EPB41L1: variants seen among roughly 807,000 people sequenced by gnomAD.
EPB41L1 encodes band 4.1-like protein 1.
In EPB41L1, 29 loss-of-function variants were observed where a neutral mutation model predicts 97.8. The observed-to-expected ratio is 0.30, with a 90% CI of 0.22 to 0.40. The LOEUF is 0.40. EPB41L1 is among the 10% of genes least tolerant of loss of function. EPB41L1 has a pLI of 1.00. For synonymous variants in EPB41L1, 383 were observed against 459.2 expected (o/e 0.83, Z 2.12); for missense variants, 812 against 1,162.3 (o/e 0.70, Z 4.38).
At chr20:36,216,139 T>C (rs1045044029) in intron 17 of EPB41L1, among the ~76,000 whole-genome samples, 5 of 152,288 alleles carry the variant, frequency 3.3e-5, no homozygotes, top group Admixed American at 2.6e-4. Context: ...TGGGACAGTG[T>C]AATAATGCTA....
intron 11 of EPB41L1, among the ~76,000 whole-genome samples, chr20:36,193,247 C>T (rs1311103124): frequency 1.3e-5 from 2 of 152,180 alleles, no homozygotes; most frequent in Admixed American, 1.3e-4. Flanking sequence ...ACCAAAAGGT[C>T]ACCAGTGGGA....
In EPB41L1 at chr20:36,092,638, T is replaced by G. The variant is rs1601166870; in HGVS notation, c.-65+1026T>G. On this transcript the variant is annotated intron_variant, in intron 1 of 19. Transcript: ENST00000202028. This position sits in a 1 kb window ranked among gnomAD's most constrained non-coding sequence, Gnocchi z 7.0. ...GGCGGGGCGGAGCGGCGAGAGGGGG[T>G]GTGGGGGGCGGGCGAGGAGGGGGCT... The G allele has an allele frequency of 6.8e-6, 1 of 147,576 alleles. No homozygotes were observed. Among genetic ancestry groups the G allele is most frequent in the Non-Finnish European group, 1.5e-5 (1 of 66,650 alleles). 9.1% of individuals were successfully genotyped at this position (147,576 alleles called of 1,614,324 possible). A position where few individuals can be genotyped will look rare whatever the true frequency, so the allele number is the denominator to read the frequency against.
intron 1 of EPB41L1, among the ~76,000 whole-genome samples, chr20:36,171,253 AG>A (rs2060975535): frequency 6.6e-6 from 1 of 152,174 alleles, no homozygotes; most frequent in East Asian, 1.9e-4. Flanking sequence ...AAAGATCCTG[AG>A]CCCGGTGCAC....
intron 2 of EPB41L1, among the ~76,000 whole-genome samples, chr20:36,113,280 C>G (rs1279249412): frequency 6.6e-6 from 1 of 152,160 alleles, no homozygotes; most frequent in Non-Finnish European, 1.5e-5. Flanking sequence ...AAGTAACATG[C>G]AAATGTCACT....
rs755435741 is a variant in EPB41L1, at chr20:36,178,074, C to T, written c.447+18C>T. The T allele has an allele frequency of 3.1e-6, 5 of 1,589,386 alleles. No homozygotes were observed. The South Asian group carries it at 5.5e-5, about 18-fold the overall frequency. The stretch of plus-strand genomic sequence containing the variant: ...GCCAGAAGGTACCTGGGCTAGGGAG[C>T]AGGGTGGGACCTGCTCTTCCGTTAG... On this transcript the variant is annotated intron_variant, in intron 4 of 21. Coordinates refer to ENST00000338074, the MANE Select transcript of EPB41L1 (RefSeq NM_012156.2).
chr20:36,229,252 G>T (rs1208882110), intron 21 of EPB41L1, 80 bp from the exon 22 acceptor site: 2 of 1,186,050 alleles, frequency 1.7e-6, no homozygotes, highest in Non-Finnish European at 2.5e-6. Context: ...AGTGACAGAA[G>T]TTACTAATTT....
Position 36,209,340 on chromosome 20 carries a change from C to A in EPB41L1, c.1669-148C>A. ...TTGTTATGATTTCAAGGAACCTTTC[C>A]TGGGGTGTTTTTCATTTCCTGGCCT... On this transcript the variant is annotated intron_variant, in intron 14 of 21. Transcript: ENST00000338074. The surrounding 1 kb of genome is among the most constrained non-coding windows in gnomAD (Gnocchi z 4.2). 1 of 701,628 alleles carries A rather than the reference C, an allele frequency of 1.4e-6. No individual in the cohort carries two copies. The highest frequency in any genetic ancestry group is 2.2e-6 in the Non-Finnish European group (1 of 451,742). The allele number at this position is 701,628 out of a possible 1,614,324, so 43.5% of individuals were successfully genotyped here.
intron 2 of EPB41L1, among the ~76,000 whole-genome samples, chr20:36,131,523 G>A (rs2059209839): frequency 6.6e-6 from 1 of 152,172 alleles, no homozygotes; most frequent in African/African-American, 2.4e-5. Context: ...GAATAGGGCT[G>A]TGGTGTCAGG....
At chr20:36,107,136 T>C (rs2058215548) in intron 1 of EPB41L1, among the ~76,000 whole-genome samples, 1 of 152,046 alleles carries the variant, frequency 6.6e-6, no homozygotes, top group Non-Finnish European at 1.5e-5. Context: ...TTAACTAATT[T>C]AACATTTTAA....
At chr20:36,220,933 G>A (rs964783183) in intron 19 of EPB41L1, among the ~76,000 whole-genome samples, 3 of 152,302 alleles carry the variant, frequency 2.0e-5, no homozygotes, top group East Asian at 1.9e-4. Flanking sequence ...CTTCATGCAC[G>A]GACTGTCCTG....
intron 17 of EPB41L1, among the ~76,000 whole-genome samples, chr20:36,216,857 G>A (rs529582375): frequency 2.6e-5 from 4 of 152,156 alleles, no homozygotes; most frequent in African/African-American, 9.7e-5. Context: ...ATGCCTGGAG[G>A]GGGGAAAGCA....
At chr20:36,161,506 T>G (rs1443613109) in intron 1 of EPB41L1, among the ~76,000 whole-genome samples, 2 of 152,152 alleles carry the variant, frequency 1.3e-5, no homozygotes, top group African/African-American at 2.4e-5. Context: ...GATGGAGTCT[T>G]GCTGTGTTGC....
chr20:36,170,542 A>G (rs1408233858), intron 1 of EPB41L1, among the ~76,000 whole-genome samples: 3 of 152,032 alleles, frequency 2.0e-5, no homozygotes, highest in Non-Finnish European at 4.4e-5. Flanking sequence ...TTCTCTCACT[A>G]GCCCCTGGCC....
At position 36,190,849 on chromosome 20, in the gene EPB41L1, G is replaced by C. The variant is rs769717041; in HGVS notation, c.1300+52G>C. 1 of 1,602,852 alleles carries C rather than the reference G, an allele frequency of 6.2e-7. No individual in the cohort carries two copies. The highest frequency in any genetic ancestry group is 1.1e-5 in the South Asian group (1 of 90,584). ...GGGGAATGGTCTTCAGAGGGAACTGGGGGAGTGGGCATGCTGGGTTCTGCA... is the reference window on the plus strand; with the variant it reads ...GGGGAATGGTCTTCAGAGGGAACTGCGGGAGTGGGCATGCTGGGTTCTGCA... On this transcript the variant is annotated intron_variant, in intron 11 of 21. Coordinates refer to ENST00000338074, the MANE Select transcript of EPB41L1 (RefSeq NM_012156.2). This position sits in a 1 kb window ranked among gnomAD's most constrained non-coding sequence, Gnocchi z 5.8.
intron 1 of EPB41L1, among the ~76,000 whole-genome samples, chr20:36,163,355 C>G (rs1023409762): frequency 2.0e-5 from 3 of 152,170 alleles, no homozygotes; most frequent in African/African-American, 2.4e-5. Context: ...CAGGCATGAT[C>G]TGATTCCATT....
At chr20:36,129,614 C>T (rs1247329509) in intron 2 of EPB41L1, among the ~76,000 whole-genome samples, 1 of 152,162 alleles carries the variant, frequency 6.6e-6, no homozygotes, top group Non-Finnish European at 1.5e-5. Context: ...GCACACCCCA[C>T]TTTCTGGCTT....
rs1569320782 is a variant in EPB41L1, at chr20:36,207,429, T to C, written c.1669-2059T>C. The C allele has an allele frequency of 2.3e-6, 3 of 1,289,718 alleles. No homozygotes were observed. Among genetic ancestry groups the C allele is most frequent in the Non-Finnish European group, 3.0e-6 (3 of 988,846 alleles). The allele number at this position is 1,289,718 out of a possible 1,614,324, so 79.9% of individuals were successfully genotyped here. A position where few individuals can be genotyped will look rare whatever the true frequency, so the allele number is the denominator to read the frequency against. On this transcript the variant is annotated intron_variant, in intron 14 of 21. Coordinates refer to ENST00000338074, the MANE Select transcript of EPB41L1 (RefSeq NM_012156.2). The surrounding 1 kb of genome is among the most constrained non-coding windows in gnomAD (Gnocchi z 4.9). The stretch of plus-strand genomic sequence containing the variant: ...ACCAAGAGGGCTCCCTAGAAGATAT[T>C]AGCAAGACCTCAGTGGCCAACAAAA...
At chr20:36,217,674 C>T (rs146038459) in intron 17 of EPB41L1, among the ~76,000 whole-genome samples, 91 of 152,222 alleles carry the variant, frequency 6.0e-4, no homozygotes, top group African/African-American at 1.2e-3. Context: ...GCATTGAGCC[C>T]GGAAGCTGCC....
chr20:36,138,082 A>C (rs537001577), intron 2 of EPB41L1, among the ~76,000 whole-genome samples: 4 of 152,158 alleles, frequency 2.6e-5, no homozygotes, highest in African/African-American at 9.7e-5. Flanking sequence ...ATTCCATTGT[A>C]TATATGTACA....
Sources: gnomAD v4.1 joint callset for allele counts (sites outside exome capture counted in the v4.1 genomes callset) on GRCh38, gnomAD v4.1.1 for gene constraint, Gnocchi (gnomAD v3.1) non-coding constraint, MANE v1.5 for transcripts, NCBI Gene and HGNC (gene_info 2026-07-23, HGNC 2026-07-21) for gene names.